The following NKAIN2 variants were observed in gnomAD, a reference collection of about 807,000 sequenced individuals.
The protein encoded by NKAIN2 is sodium/potassium-transporting ATPase subunit beta-1-interacting protein 2.
Under a neutral mutation model 32.6 loss-of-function variants are expected in NKAIN2, and 14 were observed. The observed-to-expected ratio is 0.43, with a 90% CI of 0.28 to 0.67. The LOEUF (loss-of-function observed/expected upper bound fraction) is 0.67. Among genes scored for constraint, NKAIN2 ranks in the 30% least tolerant of loss-of-function variants. The probability of loss-of-function intolerance (pLI) is 0.17; values close to 1 mark genes in which losing one functional copy is unlikely to be tolerated. For missense variants in NKAIN2, 198 were observed against 258.3 expected (o/e 0.77, Z 1.60); for synonymous variants, 80 against 87.2 (o/e 0.92, Z 0.46).
Position 124,687,127 on chromosome 6 carries a change from C to T in NKAIN2, c.474+28741C>T, listed in dbSNP as rs183087951. Among the ~76,000 whole-genome samples, 313 of 143,432 alleles carry T rather than the reference C, an allele frequency of 2.2e-3. 2 individuals are homozygous for T. Among genetic ancestry groups the T allele is most frequent in the African/African-American group, 7.7e-3 (302 of 39,472 alleles). 94.1% of individuals were successfully genotyped at this position (143,432 alleles called of 152,430 possible). Reference sequence around the variant, plus strand: ...AACATGTAAGTTAATACTTAATAAGCTCCCTTAAATATATATATATATGGA... The same window carrying T: ...AACATGTAAGTTAATACTTAATAAGTTCCCTTAAATATATATATATATGGA... On this transcript the variant is annotated intron_variant, in intron 4 of 6. Coordinates refer to ENST00000368417, the MANE Select transcript of NKAIN2 (RefSeq NM_001040214.3).
At chr6:124,708,143 G>C (rs920457309) in intron 4 of NKAIN2, among the ~76,000 whole-genome samples, 2 of 147,246 alleles carry the variant, frequency 1.4e-5, no homozygotes, top group African/African-American at 5.1e-5. Flanking sequence ...TCAAAGATCA[G>C]ATAGTTGTAG....
At chr6:124,200,986 G>T (rs1303211920) in intron 1 of NKAIN2, among the ~76,000 whole-genome samples, 1 of 151,974 alleles carries the variant, frequency 6.6e-6, no homozygotes, top group Non-Finnish European at 1.5e-5. Context: ...ACAAGGACAG[G>T]GTCAAAGTTG....
At chr6:124,203,784 A>G (rs965490190) in intron 1 of NKAIN2, among the ~76,000 whole-genome samples, 2 of 151,890 alleles carry the variant, frequency 1.3e-5, no homozygotes, top group Non-Finnish European at 2.9e-5. Context: ...TCTACCCACA[A>G]TATTACACAT....
At chr6:124,534,000 C>T (rs1779623433) in intron 3 of NKAIN2, among the ~76,000 whole-genome samples, 2 of 152,210 alleles carry the variant, frequency 1.3e-5, no homozygotes, top group African/African-American at 2.4e-5. Context: ...GATCCACTTC[C>T]TGATGCCATC....
Position 124,470,704 on chromosome 6 carries a change from C to T in NKAIN2, c.273+115357C>T, listed in dbSNP as rs555724765. 2.6e-5 allele frequency among the ~76,000 whole-genome samples: 4 copies of T among 152,058 alleles called. No homozygotes were observed. The South Asian group carries it at 8.3e-4, about 32-fold the overall frequency. On this transcript the variant is annotated intron_variant, in intron 3 of 6. Transcript: ENST00000368417. ...TTTAAAAGATAATAAAGGTGTTCTGCAAGCCATATAGCAAATGATCTCATA... is the reference window on the plus strand; with the variant it reads ...TTTAAAAGATAATAAAGGTGTTCTGTAAGCCATATAGCAAATGATCTCATA...
At chr6:124,317,511 G>A (rs1231321342) in intron 2 of NKAIN2, among the ~76,000 whole-genome samples, 2 of 152,060 alleles carry the variant, frequency 1.3e-5, no homozygotes, top group Non-Finnish European at 2.9e-5. Context: ...GTGTAAAGCA[G>A]GGTGCTCTCA....
At chr6:124,147,328 T>TG (rs1756649622) in intron 1 of NKAIN2, among the ~76,000 whole-genome samples, 1 of 152,138 alleles carries the variant, frequency 6.6e-6, no homozygotes, top group Non-Finnish European at 1.5e-5. Flanking sequence ...ATTGCACACA[T>TG]GGGTGCTGCA....
At chr6:123,999,597 T>A (rs1201652012) in intron 1 of NKAIN2, among the ~76,000 whole-genome samples, 1 of 152,200 alleles carries the variant, frequency 6.6e-6, no homozygotes, top group Non-Finnish European at 1.5e-5. Flanking sequence ...AGTTTTATCC[T>A]GATTTTAATA....
chr6:124,643,762 AT>A (rs2114366683), intron 3 of NKAIN2, among the ~76,000 whole-genome samples: 1 of 152,324 alleles, frequency 6.6e-6, no homozygotes, highest in African/African-American at 2.4e-5. Context: ...GAAGTTATCC[AT>A]TTTTAATATT....
At chr6:123,850,732 G>T (rs956100538) in intron 1 of NKAIN2, among the ~76,000 whole-genome samples, 1 of 152,006 alleles carries the variant, frequency 6.6e-6, no homozygotes, top group Non-Finnish European at 1.5e-5. Context: ...ATTTTTTTGT[G>T]GTGGGAACAC....
At chr6:124,164,073 A>C in intron 1 of NKAIN2, among the ~76,000 whole-genome samples, 1 of 152,240 alleles carries the variant, frequency 6.6e-6, no homozygotes, top group East Asian at 1.9e-4. Context: ...TTTACAAAGT[A>C]AGGTATATGA....
At chr6:124,657,908 T>C (rs904625400) in intron 3 of NKAIN2, among the ~76,000 whole-genome samples, 1 of 152,140 alleles carries the variant, frequency 6.6e-6, no homozygotes, top group South Asian at 2.1e-4. Context: ...TTACAATGAA[T>C]ATAAATCATT....
chr6:124,426,766 G>A (rs905262142), intron 3 of NKAIN2, among the ~76,000 whole-genome samples: 4 of 152,114 alleles, frequency 2.6e-5, no homozygotes, highest in African/African-American at 9.7e-5. Flanking sequence ...GGAGCGACTC[G>A]GTGGGAGATA....
At chr6:124,770,287 A>G (rs1389562347) in intron 4 of NKAIN2, among the ~76,000 whole-genome samples, 2 of 152,228 alleles carry the variant, frequency 1.3e-5, no homozygotes, top group Admixed American at 1.3e-4. Flanking sequence ...GGCTTCCCTC[A>G]TGTCAGGCAG....
At chr6:124,291,951 G>C (rs544542057) in intron 2 of NKAIN2, among the ~76,000 whole-genome samples, 1 of 152,078 alleles carries the variant, frequency 6.6e-6, no homozygotes, top group East Asian at 1.9e-4. Flanking sequence ...AACCTTCAGA[G>C]GGAAAGTTTG....
At chr6:124,458,369 TG>T (rs1449570731) in intron 3 of NKAIN2, among the ~76,000 whole-genome samples, 1 of 151,918 alleles carries the variant, frequency 6.6e-6, no homozygotes, top group African/African-American at 2.4e-5. Flanking sequence ...ATTAACAGAT[TG>T]AAAACTATAC....
chr6:124,019,135 A>G (rs1780738025), intron 1 of NKAIN2, among the ~76,000 whole-genome samples: 1 of 152,142 alleles, frequency 6.6e-6, no homozygotes, highest in Non-Finnish European at 1.5e-5. Flanking sequence ...ACAGCATGGG[A>G]AAGACCCACC....
chr6:124,193,945 G>A (rs991692798), intron 1 of NKAIN2, among the ~76,000 whole-genome samples: 1 of 152,118 alleles, frequency 6.6e-6, no homozygotes. Context: ...TCCACAGCTG[G>A]TTGTGTCATC....
chr6:124,459,765 C>T (rs1242988284), intron 3 of NKAIN2, among the ~76,000 whole-genome samples: 6 of 151,640 alleles, frequency 4.0e-5, no homozygotes, highest in Non-Finnish European at 7.4e-5. Flanking sequence ...ATTAATTCCC[C>T]ATGCCATCTT....
Sources: gnomAD v4.1 joint callset for allele counts (sites outside exome capture counted in the v4.1 genomes callset) on GRCh38, gnomAD v4.1.1 for gene constraint, MANE v1.5 for transcripts, NCBI Gene and HGNC (gene_info 2026-07-23, HGNC 2026-07-21) for gene names.